The following FBXO16 variants were observed in gnomAD, a reference collection of about 807,000 sequenced individuals.
FBXO16 encodes F-box protein 16.
Under a neutral mutation model 41.0 loss-of-function variants are expected in FBXO16, and 31 were observed. The ratio of observed to expected loss-of-function variants is 0.76; its 90% CI spans 0.57 to 1.02. The LOEUF (loss-of-function observed/expected upper bound fraction) is 1.02, where lower values mean the gene tolerates loss of function less well. FBXO16 is among the 50% of genes least tolerant of loss of function. FBXO16 has a pLI of 0.00. For missense variants in FBXO16, 361 were observed against 346.2 expected (o/e 1.04, Z -0.34); for synonymous variants, 133 against 117.8 (o/e 1.13, Z -0.84).
chr8:28,441,951 T>A (rs1420555453), intron 7 of FBXO16, among the ~76,000 whole-genome samples: 5,498 of 139,258 alleles, frequency 0.039, 373 homozygotes, highest in African/African-American at 0.14. Flanking sequence ...TGTGTATTTT[T>A]TTTTTTTTTT....
intron 7 of FBXO16, among the ~76,000 whole-genome samples, chr8:28,442,607 C>T (rs1311853551): frequency 6.6e-6 from 1 of 152,180 alleles, no homozygotes; most frequent in Admixed American, 6.5e-5. Flanking sequence ...TAGTCTCAAA[C>T]TCCTGACCTC....
chr8:28,486,235 T>C (rs934905570), intron 1 of FBXO16, among the ~76,000 whole-genome samples: 4 of 151,878 alleles, frequency 2.6e-5, no homozygotes, highest in East Asian at 1.9e-4. Flanking sequence ...CTTCTTCTTT[T>C]TTTTTTTTGG....
At chr8:28,446,392 C>T (rs1392511276) in intron 7 of FBXO16, among the ~76,000 whole-genome samples, 1 of 150,852 alleles carries the variant, frequency 6.6e-6, no homozygotes, top group East Asian at 2.0e-4. Context: ...AGGCTGCGCT[C>T]GAATCCCTGA....
chr8:28,480,420 C>T (rs1165183093), intron 2 of FBXO16, among the ~76,000 whole-genome samples: 1 of 152,116 alleles, frequency 6.6e-6, no homozygotes, highest in African/African-American at 2.4e-5. Flanking sequence ...GATGAAGAGG[C>T]AGGAAGACAA....
chr8:28,452,381 G>C lies in FBXO16; in HGVS notation c.603C>G (p.Ser201=), dbSNP rs1202061421. 2.4e-5 allele frequency: 39 copies of C among 1,614,232 alleles called. No homozygotes were observed. Among genetic ancestry groups the C allele is most frequent in the Non-Finnish European group, 3.2e-5 (38 of 1,180,038 alleles). Residue 201 remains serine (S), a synonymous_variant, in exon 6 of 9, where the codon TCC becomes TCG. Transcript: ENST00000380254. ...TATTCTTCTTTCTTAAAGAGGAAGA[G>C]GACCGAAAAGCTGATAAAGGGGACT... ...EKQSPLSAFR[S]SSSLRKKNNS... is the part of the protein sequence containing the mutation.
chr8:28,429,083 A>G (rs1331015010), intron 8 of FBXO16, among the ~76,000 whole-genome samples: 2 of 152,252 alleles, frequency 1.3e-5, no homozygotes, highest in African/African-American at 4.8e-5. Context: ...AAAGTGTCAC[A>G]GCTGGGGCTA....
chr8:28,488,771 C>T (rs970565280), intron 1 of FBXO16, among the ~76,000 whole-genome samples: 8 of 152,236 alleles, frequency 5.3e-5, no homozygotes, highest in Non-Finnish European at 1.0e-4. Context: ...TCAAAACCTT[C>T]AGAGGTTCAC....
At chr8:28,477,022 C>T (rs181079657) in intron 2 of FBXO16, among the ~76,000 whole-genome samples, 6 of 152,244 alleles carry the variant, frequency 3.9e-5, no homozygotes, top group African/African-American at 1.4e-4. Flanking sequence ...AAGAAATACA[C>T]ACTTTAAAAA....
intron 1 of FBXO16, among the ~76,000 whole-genome samples, chr8:28,488,571 G>A (rs1366549848): frequency 6.6e-6 from 1 of 151,720 alleles, no homozygotes; most frequent in African/African-American, 2.4e-5. Flanking sequence ...CCAAAGTGCT[G>A]AGATTACAAA....
intron 7 of FBXO16, among the ~76,000 whole-genome samples, chr8:28,432,269 T>A (rs1000762261): frequency 2.6e-5 from 4 of 151,220 alleles, no homozygotes; most frequent in Non-Finnish European, 5.9e-5. Context: ...AGGTCAGGAG[T>A]TCGAGACCAG....
intron 7 of FBXO16, among the ~76,000 whole-genome samples, chr8:28,430,037 G>A (rs1332256703): frequency 6.6e-6 from 1 of 152,148 alleles, no homozygotes; most frequent in Non-Finnish European, 1.5e-5. Flanking sequence ...GTCCCCCAAT[G>A]AGGCTGCAAA....
chr8:28,435,456 G>GGGGTTAT (rs2130081258), intron 7 of FBXO16, among the ~76,000 whole-genome samples: 1 of 152,166 alleles, frequency 6.6e-6, no homozygotes, highest in Admixed American at 6.5e-5. Context: ...TTATAGGTGT[G>GGGGTTAT]AGCCACCGTG....
chr8:28,442,917 C>T (rs1192610799), intron 7 of FBXO16, among the ~76,000 whole-genome samples: 1 of 152,064 alleles, frequency 6.6e-6, no homozygotes, highest in Non-Finnish European at 1.5e-5. Flanking sequence ...TTGGAGACAG[C>T]GCTCACATCT....
At chr8:28,482,247 C>G (rs991805087) in intron 2 of FBXO16, among the ~76,000 whole-genome samples, 9 of 152,104 alleles carry the variant, frequency 5.9e-5, no homozygotes, top group African/African-American at 2.2e-4. Context: ...CAGGGAGAAG[C>G]AGAATTTCTG....
intron 6 of FBXO16, among the ~76,000 whole-genome samples, chr8:28,451,075 G>A (rs188989170): frequency 6.6e-6 from 1 of 152,300 alleles, no homozygotes; most frequent in East Asian, 1.9e-4. Context: ...AAACATTTAA[G>A]CGAGAAAGAG....
intron 3 of FBXO16, among the ~76,000 whole-genome samples, chr8:28,472,041 A>T (rs1159994910): frequency 2.0e-5 from 3 of 152,092 alleles, no homozygotes; most frequent in Non-Finnish European, 4.4e-5. Context: ...AAATGGGTAA[A>T]CTGTGCTGGT....
intron 6 of FBXO16, 65 bp from the exon 7 acceptor site, chr8:28,447,338 G>T: frequency 7.4e-7 from 1 of 1,349,012 alleles, no homozygotes; most frequent in African/African-American, 1.5e-5. Flanking sequence ...GGTTTGCATA[G>T]CTATTTGTCT....
Position 28,484,939 on chromosome 8 carries a change from G to A in FBXO16, c.-16-1477C>T, listed in dbSNP as rs1172351740. 1.1e-4 allele frequency among the ~76,000 whole-genome samples: 16 copies of A among 152,060 alleles called. 1 individual carries two copies. Among genetic ancestry groups the A allele is most frequent in the South Asian group, 6.2e-4 (3 of 4,812 alleles). On this transcript the variant is annotated intron_variant, in intron 1 of 8. Transcript: ENST00000380254. ...CACCCAGGCTCGAGTGCAGTGACACGATCTCGGCTCACCACAACCTCCGCT... is the reference window on the plus strand; with the variant it reads ...CACCCAGGCTCGAGTGCAGTGACACAATCTCGGCTCACCACAACCTCCGCT...
At chr8:28,489,249 G>A (rs1015526657) in intron 1 of FBXO16, among the ~76,000 whole-genome samples, 4 of 152,080 alleles carry the variant, frequency 2.6e-5, no homozygotes, top group African/African-American at 4.8e-5. Flanking sequence ...GGCTGAGGTG[G>A]GAGGACTGCT....
Sources: allele counts gnomAD v4.1 joint callset (sites outside exome capture counted in the v4.1 genomes callset), GRCh38; gene constraint gnomAD v4.1.1; transcripts MANE v1.5; gene names NCBI Gene and HGNC (gene_info 2026-07-23, HGNC 2026-07-21).